Variants in ADAMTS17 observed in about 807,000 individuals in gnomAD.
ADAMTS17 encodes the protein ADAM metallopeptidase with thrombospondin type 1 motif 17.
In ADAMTS17, 113 loss-of-function variants were observed where a neutral mutation model predicts 141.5. That is an observed-to-expected ratio of 0.80 (90% CI 0.69 to 0.93). ADAMTS17 has a LOEUF of 0.93. Ranked by LOEUF, ADAMTS17 falls within the 40% of genes least tolerant of loss-of-function variation. The pLI is 0.00. For synonymous variants in ADAMTS17, 768 were observed against 630.6 expected (o/e 1.22, Z -3.27); for missense variants, 1,659 against 1,517.9 (o/e 1.09, Z -1.54).
chr15:100,141,945 G>A (rs773948727), intron 10 of ADAMTS17, among the ~76,000 whole-genome samples: 1 of 152,238 alleles, frequency 6.6e-6, no homozygotes, highest in African/African-American at 2.4e-5. Flanking sequence ...GGCAAGGCCA[G>A]GCTCCGGGAC....
intron 18 of ADAMTS17, among the ~76,000 whole-genome samples, chr15:100,047,412 A>C (rs546707022): frequency 6.6e-6 from 1 of 151,634 alleles, no homozygotes; most frequent in South Asian, 2.1e-4. Flanking sequence ...ATCCCTAATA[A>C]AAACTTGCTG....
At chr15:99,991,814 C>A (rs1286987764) in intron 20 of ADAMTS17, among the ~76,000 whole-genome samples, 1 of 152,136 alleles carries the variant, frequency 6.6e-6, no homozygotes, top group Non-Finnish European at 1.5e-5. Context: ...AAATGTGGCA[C>A]ATATATACCA....
intron 10 of ADAMTS17, among the ~76,000 whole-genome samples, chr15:100,143,406 TA>T: frequency 6.6e-6 from 1 of 152,090 alleles, no homozygotes; most frequent in Middle Eastern, 3.4e-3. Context: ...CTTGTAATCA[TA>T]AAAAAGACTG....
At chr15:100,078,215 C>CTT (rs201915809) in intron 15 of ADAMTS17, among the ~76,000 whole-genome samples, 20 of 141,810 alleles carry the variant, frequency 1.4e-4, no homozygotes, top group Admixed American at 6.4e-4. Context: ...AAAATCCCAG[C>CTT]TTTTTTTTTT....
rs571096291 is a variant in ADAMTS17 at position 100,087,454 on chromosome 15, T to C, written c.2137+8902A>G. Among the ~76,000 whole-genome samples the C allele has an allele frequency of 6.7e-3, 880 of 130,710 alleles. 10 individuals carry two copies. The highest frequency in any genetic ancestry group is 0.029 in the African/African-American group (830 of 28,188). The allele number at this position is 130,710 out of a possible 152,430, so 85.8% of individuals were successfully genotyped here. A position where few individuals can be genotyped will look rare whatever the true frequency, so the allele number is the denominator to read the frequency against. On this transcript the variant is annotated intron_variant, in intron 15 of 21. Transcript: ENST00000268070. ...TTCCTTCTGAAACTATTCCAATCAA[T>C]AGAAAAAGAGGGAATCCTCCCTAAC...
intron 18 of ADAMTS17, among the ~76,000 whole-genome samples, chr15:100,007,846 G>A (rs1277597180): frequency 6.6e-6 from 1 of 152,088 alleles, no homozygotes; most frequent in African/African-American, 2.4e-5. Flanking sequence ...AGGAGGTCAA[G>A]GGGGAAACCA....
intron 15 of ADAMTS17, among the ~76,000 whole-genome samples, chr15:100,055,886 G>C (rs973695575): frequency 6.6e-6 from 1 of 152,220 alleles, no homozygotes; most frequent in Non-Finnish European, 1.5e-5. Context: ...AATGGGGGCA[G>C]AGAGAAGTAC....
At chr15:100,015,976 A>G (rs2061281207) in intron 18 of ADAMTS17, among the ~76,000 whole-genome samples, 1 of 152,078 alleles carries the variant, frequency 6.6e-6, no homozygotes, top group Admixed American at 6.5e-5. Flanking sequence ...AAACTTTTAG[A>G]TTTCTCTTCT....
intron 13 of ADAMTS17, among the ~76,000 whole-genome samples, chr15:100,113,462 G>C (rs2036917882): frequency 6.6e-6 from 1 of 152,166 alleles, no homozygotes; most frequent in Admixed American, 6.5e-5. Flanking sequence ...GAGCCCACTA[G>C]CAATACAAAT....
At chr15:100,046,606 T>C (rs142854226) in intron 18 of ADAMTS17, among the ~76,000 whole-genome samples, 3 of 152,238 alleles carry the variant, frequency 2.0e-5, no homozygotes, top group Non-Finnish European at 2.9e-5. Context: ...GGACATTTAT[T>C]AGTTCCCCAA....
At chr15:100,195,600 C>T (rs1394599114) in intron 8 of ADAMTS17, among the ~76,000 whole-genome samples, 2 of 127,140 alleles carry the variant, frequency 1.6e-5, no homozygotes, top group Non-Finnish European at 3.2e-5. Flanking sequence ...ATGACTGGCC[C>T]ATTGTTTGGT....
intron 6 of ADAMTS17, among the ~76,000 whole-genome samples, chr15:100,254,438 T>C (rs1249900162): frequency 6.6e-6 from 1 of 152,168 alleles, no homozygotes; most frequent in African/African-American, 2.4e-5. Flanking sequence ...GAAGGACTCC[T>C]TTCAGCAGCT....
At chr15:100,042,119 C>G (rs1404697435) in intron 18 of ADAMTS17, among the ~76,000 whole-genome samples, 1 of 152,212 alleles carries the variant, frequency 6.6e-6, no homozygotes, top group East Asian at 1.9e-4. Flanking sequence ...ACATCTCCAC[C>G]TTACCCTGTT....
intron 7 of ADAMTS17, among the ~76,000 whole-genome samples, chr15:100,250,797 G>C (rs1345408401): frequency 6.6e-6 from 1 of 152,148 alleles, no homozygotes; most frequent in East Asian, 1.9e-4. Context: ...CTGCAGTTAT[G>C]TCAGATGTTA....
intron 7 of ADAMTS17, 61 bp from the exon 8 acceptor site, chr15:100,199,484 C>CGG: frequency 7.2e-7 from 1 of 1,392,018 alleles, no homozygotes. Flanking sequence ...TCTCACCGGG[C>CGG]AAGTCCGCAC....
chr15:100,162,443 T>A (rs998134214), intron 8 of ADAMTS17, among the ~76,000 whole-genome samples: 1 of 132,036 alleles, frequency 7.6e-6, no homozygotes, highest in African/African-American at 2.9e-5. Context: ...TATATACACA[T>A]ATAGTTATAT....
chr15:100,268,792 A>T (rs2043806735), intron 4 of ADAMTS17, among the ~76,000 whole-genome samples: 1 of 152,218 alleles, frequency 6.6e-6, no homozygotes. Flanking sequence ...TAAACTTCAT[A>T]TAGAACCAAA....
chr15:100,209,146 G>GC (rs58711573), intron 7 of ADAMTS17, among the ~76,000 whole-genome samples: 1 of 132,856 alleles, frequency 7.5e-6, no homozygotes, highest in Non-Finnish European at 1.6e-5. Context: ...AAGAAAGAAA[G>GC]AAAAGGATTC....
At chr15:100,041,748 G>T (rs2031276450) in intron 18 of ADAMTS17, among the ~76,000 whole-genome samples, 1 of 152,190 alleles carries the variant, frequency 6.6e-6, no homozygotes, top group Non-Finnish European at 1.5e-5. Flanking sequence ...AGCAGGGTTT[G>T]GGAGAAGTAT....
Sources: gnomAD v4.1 joint callset for allele counts (sites outside exome capture counted in the v4.1 genomes callset) on GRCh38, gnomAD v4.1.1 for gene constraint, MANE v1.5 for transcripts, NCBI Gene and HGNC (gene_info 2026-07-23, HGNC 2026-07-21) for gene names.